Variants in RIT2 observed in about 807,000 individuals in gnomAD.
RIT2 encodes the protein Ras like without CAAX 2.
In RIT2, 24 loss-of-function variants were observed where a neutral mutation model predicts 23.7. The observed-to-expected ratio is 1.01, with a 90% CI of 0.73 to 1.43. The LOEUF is 1.43. Among genes scored for constraint, RIT2 ranks in the 40% most tolerant of loss-of-function variants. RIT2 has a pLI of 0.00. For missense variants in RIT2, 236 were observed against 266.9 expected, an observed-to-expected ratio of 0.88 and a Z score of 0.81; for synonymous variants, 107 against 91.1, an observed-to-expected ratio of 1.17 and a Z score of -0.99.
At chr18:42,967,172 C>A (rs949214561) in intron 3 of RIT2, among the ~76,000 whole-genome samples, 15 of 151,790 alleles carry the variant, frequency 9.9e-5, no homozygotes, top group African/African-American at 2.4e-4. Context: ...ATATTTCTCT[C>A]TCTATATATA....
intron 4 of RIT2, among the ~76,000 whole-genome samples, chr18:42,871,322 CACTT>C (rs1907616500): frequency 6.6e-6 from 1 of 152,146 alleles, no homozygotes; most frequent in South Asian, 2.1e-4. Flanking sequence ...AAGTCATAAT[CACTT>C]ACATAGTCTT....
intron 4 of RIT2, among the ~76,000 whole-genome samples, chr18:42,797,759 G>C (rs982323310): frequency 1.3e-5 from 2 of 152,172 alleles, no homozygotes; most frequent in African/African-American, 4.8e-5. Flanking sequence ...TGGATAGAAA[G>C]CATGGAAAAC....
intron 4 of RIT2, among the ~76,000 whole-genome samples, chr18:42,916,740 T>C (rs1908919779): frequency 6.6e-6 from 1 of 152,078 alleles, no homozygotes; most frequent in Admixed American, 6.6e-5. Flanking sequence ...GATAACCTAC[T>C]GACATTATCT....
chr18:42,814,349 C>T (rs1238358926), intron 4 of RIT2, among the ~76,000 whole-genome samples: 1 of 152,130 alleles, frequency 6.6e-6, no homozygotes, highest in Non-Finnish European at 1.5e-5. Flanking sequence ...TCGCCCACTG[C>T]CTGGAAACAG....
chr18:42,843,574 C>G (rs1906826971), intron 4 of RIT2, among the ~76,000 whole-genome samples: 1 of 152,150 alleles, frequency 6.6e-6, no homozygotes, highest in South Asian at 2.1e-4. Context: ...GATTTTATAC[C>G]TCTCTCCAGA....
intron 1 of RIT2, among the ~76,000 whole-genome samples, chr18:43,082,131 A>G (rs148193649): frequency 3.4e-4 from 52 of 152,246 alleles, no homozygotes; most frequent in African/African-American, 1.2e-3. Flanking sequence ...GGGAGGGTGT[A>G]TGTGTCCAGG....
At chr18:42,840,033 G>T (rs1055373704) in intron 4 of RIT2, among the ~76,000 whole-genome samples, 2 of 152,164 alleles carry the variant, frequency 1.3e-5, no homozygotes, top group Admixed American at 1.3e-4. Flanking sequence ...AACCAAAAAA[G>T]GTTGAATGTA....
chr18:42,915,768 TG>T (rs1373883378), intron 4 of RIT2, among the ~76,000 whole-genome samples: 1 of 152,052 alleles, frequency 6.6e-6, no homozygotes, highest in Non-Finnish European at 1.5e-5. Flanking sequence ...AGATTGAATC[TG>T]TAACACTTTC....
intron 4 of RIT2, among the ~76,000 whole-genome samples, chr18:42,894,448 G>C (rs1019855416): frequency 6.6e-6 from 1 of 150,860 alleles, no homozygotes; most frequent in Non-Finnish European, 1.5e-5. Context: ...TAATGAAAGA[G>C]CAATGTATTT....
At chr18:42,832,554 A>AT (rs1906488953) in intron 4 of RIT2, among the ~76,000 whole-genome samples, 1 of 152,176 alleles carries the variant, frequency 6.6e-6, no homozygotes, top group Non-Finnish European at 1.5e-5. Flanking sequence ...TTGATGTACA[A>AT]TTTTTGTACA....
At chr18:42,983,188 A>C (rs2144216585) in intron 2 of RIT2, among the ~76,000 whole-genome samples, 1 of 152,236 alleles carries the variant, frequency 6.6e-6, no homozygotes, top group African/African-American at 2.4e-5. Flanking sequence ...AGAACAGAGA[A>C]TCCAGAATAA....
chr18:42,873,761 C>T (rs1242215573), intron 4 of RIT2, among the ~76,000 whole-genome samples: 1 of 152,068 alleles, frequency 6.6e-6, no homozygotes, highest in Admixed American at 6.6e-5. Context: ...AAGAATGCCA[C>T]ACTCCTAAAA....
At chr18:42,937,705 A>C (rs1909494974) in intron 3 of RIT2, among the ~76,000 whole-genome samples, 1 of 152,176 alleles carries the variant, frequency 6.6e-6, no homozygotes, top group South Asian at 2.1e-4. Flanking sequence ...TGACGGGAAA[A>C]GATGGTACAT....
At chr18:42,983,172 T>TAGAAC (rs1910635583) in intron 2 of RIT2, among the ~76,000 whole-genome samples, 1 of 151,982 alleles carries the variant, frequency 6.6e-6, no homozygotes, top group Non-Finnish European at 1.5e-5. Flanking sequence ...CATAGATAGA[T>TAGAAC]AGAACAGAAC....
intron 4 of RIT2, among the ~76,000 whole-genome samples, chr18:42,890,356 T>C (rs893404825): frequency 1.3e-5 from 2 of 152,080 alleles, no homozygotes; most frequent in Non-Finnish European, 2.9e-5. Context: ...ACAATGAGAA[T>C]TTTAAAGTAG....
intron 1 of RIT2, among the ~76,000 whole-genome samples, chr18:43,069,134 A>G (rs1447568882): frequency 6.6e-6 from 1 of 152,218 alleles, no homozygotes; most frequent in Non-Finnish European, 1.5e-5. Flanking sequence ...TGCAAAATAT[A>G]GTAATGAAGA....
rs140013824 is a variant in RIT2, at chr18:42,981,375, C to T, written c.161-7228G>A. Among the ~76,000 whole-genome samples, 198 of 152,246 alleles carry T rather than the reference C, an allele frequency of 1.3e-3. 1 individual carries two copies. The highest frequency in any genetic ancestry group is 2.3e-3 in the Non-Finnish European group (155 of 68,016). ...ATGATCAAGGCAATTGTACAAGTCT[C>T]AGTGTCCTAATGACTCTTCATCCTC... On this transcript the variant is annotated intron_variant, in intron 2 of 4. Transcript: ENST00000326695.
intron 4 of RIT2, among the ~76,000 whole-genome samples, chr18:42,835,663 T>C (rs1378917113): frequency 6.6e-6 from 1 of 152,094 alleles, no homozygotes; most frequent in African/African-American, 2.4e-5. Context: ...GTAAAGAAAT[T>C]AATGCATGTG....
chr18:42,969,375 G>A (rs956534936), intron 3 of RIT2, among the ~76,000 whole-genome samples: 1 of 152,006 alleles, frequency 6.6e-6, no homozygotes, highest in African/African-American at 2.4e-5. Flanking sequence ...TGGCTAAAAA[G>A]CAATTTAAGC....
Sources: gnomAD v4.1 joint callset for allele counts (sites outside exome capture counted in the v4.1 genomes callset) on GRCh38, gnomAD v4.1.1 for gene constraint, MANE v1.5 for transcripts, NCBI Gene and HGNC (gene_info 2026-07-23, HGNC 2026-07-21) for gene names.